Variants in SPAG9 observed in about 807,000 individuals in gnomAD.
The protein encoded by SPAG9 is C-Jun-amino-terminal kinase-interacting protein 4.
In SPAG9, 35 loss-of-function variants were observed where a neutral mutation model predicts 166.5. That is an observed-to-expected ratio of 0.21 (90% CI 0.16 to 0.28). The LOEUF is 0.28. SPAG9 is among the 10% of genes least tolerant of loss of function. The probability of loss-of-function intolerance (pLI) is 1.00; values close to 1 mark genes in which losing one functional copy is unlikely to be tolerated. For missense variants in SPAG9, 1,235 were observed against 1,603.3 expected (o/e 0.77, Z 3.92); for synonymous variants, 534 against 565.5 (o/e 0.94, Z 0.79).
intron 1 of SPAG9, among the ~76,000 whole-genome samples, chr17:51,083,693 C>G (rs1015896470): frequency 1.3e-5 from 2 of 151,868 alleles, no homozygotes; most frequent in African/African-American, 4.8e-5. Context: ...GTAGCTGGAA[C>G]TACATGTGTG....
intron 7 of SPAG9, 142 bp downstream of exon 7, chr17:51,021,016 C>T (rs939118059): frequency 1.5e-6 from 1 of 688,440 alleles, no homozygotes; most frequent in Non-Finnish European, 2.5e-6. Flanking sequence ...AGATGCAGAA[C>T]CACAGATATA....
chr17:51,001,840 A>C lies in SPAG9; in HGVS notation c.1482T>G (p.Asp494Glu). Reference sequence around the variant, plus strand: ...ACCGTTTCCTCTGGGCTGTGGGAATATCACTCTATAATGACAAGAAAATGA... The same window carrying C: ...ACCGTTTCCTCTGGGCTGTGGGAATCTCACTCTATAATGACAAGAAAATGA... ...RQKAKDDDDS[D>E]IPTAQRKRFT... is the part of the protein sequence containing the mutation. Residue 494 changes from aspartate (D) to glutamate (E), a missense_variant, in exon 13 of 30, where the codon GAT becomes GAG. Physicochemically the swap from Asp to Glu is conservative, Grantham distance 45. Coordinates refer to ENST00000262013, the MANE Select transcript of SPAG9 (RefSeq NM_001130528.3). 6.2e-7 allele frequency: 1 copy of C among 1,612,610 alleles called. No individual in the cohort carries two copies. The highest frequency in any genetic ancestry group is 8.5e-7 in the Non-Finnish European group (1 of 1,179,360).
chr17:50,986,082 C>G (rs1165090923), intron 22 of SPAG9, among the ~76,000 whole-genome samples: 1 of 152,224 alleles, frequency 6.6e-6, no homozygotes, highest in Non-Finnish European at 1.5e-5. Flanking sequence ...AATTGCCTTA[C>G]CTCTCTACTA....
chr17:50,984,943 G>T lies in SPAG9; in HGVS notation c.3068C>A (p.Ala1023Glu). The change falls in exon 24 of 30, where the codon GCA becomes GAA. Residue 1023 changes from alanine (A) to glutamate (E), a missense_variant. This residue lies in a region of SPAG9 where 493 missense variants were observed against 559.4 expected (regional missense o/e 0.88). Coordinates refer to ENST00000262013, the MANE Select transcript of SPAG9 (RefSeq NM_001130528.3). ...VLVALADGTL[A>E]IFHRGVDGQW... ...CTCACCCACTCCTCTGTGAAAGATTGCAAGGGTGCCGTCAGCCAGGGCTAC... is the reference window on the plus strand; with the variant it reads ...CTCACCCACTCCTCTGTGAAAGATTTCAAGGGTGCCGTCAGCCAGGGCTAC... The T allele has an allele frequency of 6.2e-7, 1 of 1,614,126 alleles. No individual in the cohort carries two copies. Among genetic ancestry groups the T allele is most frequent in the Non-Finnish European group, 8.5e-7 (1 of 1,179,982 alleles).
intron 2 of SPAG9, among the ~76,000 whole-genome samples, chr17:51,062,257 G>A (rs1041431169): frequency 2.6e-5 from 4 of 152,010 alleles, no homozygotes; most frequent in Admixed American, 6.6e-5. Flanking sequence ...TTTTACAATC[G>A]ATGAACCTAC....
intron 8 of SPAG9, among the ~76,000 whole-genome samples, chr17:51,016,429 T>C (rs1347639233): frequency 6.6e-6 from 1 of 152,144 alleles, no homozygotes; most frequent in Non-Finnish European, 1.5e-5. Flanking sequence ...AGAATGGGAA[T>C]AGGAGGCTGC....
chr17:51,118,079 G>A (rs1046406533), intron 1 of SPAG9, among the ~76,000 whole-genome samples: 16 of 151,506 alleles, frequency 1.1e-4, no homozygotes, highest in African/African-American at 3.9e-4. Context: ...GGGAGGCAGT[G>A]AGCCGAGATC....
At chr17:51,068,518 TCCTA>T (rs1360098087) in intron 2 of SPAG9, among the ~76,000 whole-genome samples, 1 of 152,150 alleles carries the variant, frequency 6.6e-6, no homozygotes, top group Non-Finnish European at 1.5e-5. Flanking sequence ...CTGATGATTC[TCCTA>T]CCTAAAGTCT....
chr17:51,026,705 C>T (rs1422182736), intron 6 of SPAG9, among the ~76,000 whole-genome samples: 15 of 125,072 alleles, frequency 1.2e-4, no homozygotes, highest in African/African-American at 3.8e-4. Context: ...GACGAAGTTT[C>T]GCTCTTGTTG....
In SPAG9 at chr17:51,068,057, C is replaced by T. The variant is rs191751079; in HGVS notation, c.424+11527G>A. On this transcript the variant is annotated intron_variant, in intron 2 of 29. Transcript: ENST00000262013. Reference sequence around the variant, plus strand: ...AAACAGACCTGCTAGAATGCCATATCCAACTCATTATTTGCCTTCTCAAAA... The same window carrying T: ...AAACAGACCTGCTAGAATGCCATATTCAACTCATTATTTGCCTTCTCAAAA... Among the ~76,000 whole-genome samples, 319 of 152,318 alleles carry T rather than the reference C, an allele frequency of 2.1e-3. 2 individuals are homozygous for T. Among genetic ancestry groups the T allele is most frequent in the Admixed American group, 3.7e-3 (56 of 15,298 alleles).
chr17:51,051,398 G>A (rs2047179826), intron 3 of SPAG9, among the ~76,000 whole-genome samples: 1 of 152,164 alleles, frequency 6.6e-6, no homozygotes, highest in African/African-American at 2.4e-5. Flanking sequence ...GTGAGCCACT[G>A]CACTCGGCCA....
Position 50,988,691 on chromosome 17 carries a change from C to A in SPAG9, c.2813+986G>T, listed in dbSNP as rs569500672. On this transcript the variant is annotated intron_variant, in intron 21 of 29. Coordinates refer to ENST00000262013, the MANE Select transcript of SPAG9 (RefSeq NM_001130528.3). The stretch of plus-strand genomic sequence containing the variant: ...ACCTCAGCCTCCTGAGTAGCTGGGA[C>A]CATAGGTGCACGCTACCACGCCCAG... Among the ~76,000 whole-genome samples, 91 of 152,186 alleles carry A rather than the reference C, an allele frequency of 6.0e-4. No homozygotes were observed. The South Asian group carries it at 0.018, about 30-fold the overall frequency.
chr17:51,063,183 C>A (rs1054274435), intron 2 of SPAG9, among the ~76,000 whole-genome samples: 1 of 151,950 alleles, frequency 6.6e-6, no homozygotes, highest in Non-Finnish European at 1.5e-5. Context: ...CCGAGGCAGG[C>A]GTATCACCTG....
chr17:50,969,091 C>G (rs1973579205), intron 29 of SPAG9, among the ~76,000 whole-genome samples: 1 of 152,008 alleles, frequency 6.6e-6, no homozygotes, highest in African/African-American at 2.4e-5. Context: ...CGGCATCACG[C>G]TCAGCTAATT....
intron 1 of SPAG9, among the ~76,000 whole-genome samples, chr17:51,098,088 C>T (rs1020041807): frequency 9.2e-5 from 14 of 152,136 alleles, no homozygotes; most frequent in Admixed American, 8.5e-4. Context: ...CCTCCCAAAG[C>T]ACTGGGATTA....
chr17:51,108,988 G>C (rs1027607614), intron 1 of SPAG9, among the ~76,000 whole-genome samples: 2 of 151,550 alleles, frequency 1.3e-5, no homozygotes, highest in Non-Finnish European at 2.9e-5. Flanking sequence ...TCAGCCTCCT[G>C]AGTAGCTGGG....
intron 1 of SPAG9, among the ~76,000 whole-genome samples, chr17:51,117,881 C>G (rs949441837): frequency 6.6e-6 from 1 of 151,838 alleles, no homozygotes; most frequent in Non-Finnish European, 1.5e-5. Flanking sequence ...CATCTGTAAT[C>G]CCAGTACTTT....
At chr17:51,035,278 T>C (rs886798063) in intron 5 of SPAG9, among the ~76,000 whole-genome samples, 13 of 152,244 alleles carry the variant, frequency 8.5e-5, no homozygotes, top group African/African-American at 3.1e-4. Flanking sequence ...GTTAATTTCA[T>C]AGCTTTGATG....
intron 29 of SPAG9, among the ~76,000 whole-genome samples, chr17:50,969,262 G>A (rs1052158642): frequency 6.6e-6 from 1 of 151,914 alleles, no homozygotes; most frequent in Non-Finnish European, 1.5e-5. Flanking sequence ...GAAGCCCAGT[G>A]GAAATTTCCC....
Sources: allele counts gnomAD v4.1 joint callset (sites outside exome capture counted in the v4.1 genomes callset), GRCh38; gene constraint gnomAD v4.1.1; regional missense constraint gnomAD v4.1.1; transcripts MANE v1.5; gene names NCBI Gene and HGNC (gene_info 2026-07-23, HGNC 2026-07-21).